Variants in KLHL1 observed in about 807,000 individuals in gnomAD.
KLHL1 encodes kelch like family member 1.
Under a neutral mutation model 77.7 loss-of-function variants are expected in KLHL1, and 47 were observed. The ratio of observed to expected loss-of-function variants is 0.60; its 90% confidence interval spans 0.48 to 0.77. The LOEUF (loss-of-function observed/expected upper bound fraction) is 0.77. Ranked by LOEUF, KLHL1 falls within the 30% of genes least tolerant of loss-of-function variation. KLHL1 has a pLI of 0.00. For synonymous variants in KLHL1, 360 were observed against 325.2 expected, an observed-to-expected ratio of 1.11 and a Z score of -1.15; for missense variants, 925 against 910.8, an observed-to-expected ratio of 1.02 and a Z score of -0.20.
At chr13:69,985,100 A>C (rs1386326512) in intron 1 of KLHL1, among the ~76,000 whole-genome samples, 1 of 151,948 alleles carries the variant, frequency 6.6e-6, no homozygotes, top group Non-Finnish European at 1.5e-5. Context: ...TGACAGAGCG[A>C]GACTCTGTCT....
intron 1 of KLHL1, among the ~76,000 whole-genome samples, chr13:69,993,809 A>T (rs968824915): frequency 1.3e-5 from 2 of 152,090 alleles, no homozygotes; most frequent in African/African-American, 4.8e-5. Context: ...ATGTAAATAC[A>T]TTTTCCAATT....
At chr13:69,742,828 C>A (rs1290648184) in intron 7 of KLHL1, among the ~76,000 whole-genome samples, 3 of 152,196 alleles carry the variant, frequency 2.0e-5, no homozygotes, top group East Asian at 1.9e-4. Flanking sequence ...AAATCTTGTT[C>A]TTTCATTAGG....
chr13:70,002,769 C>T lies in KLHL1; in HGVS notation c.498-26967G>A, dbSNP rs997679998. Among the ~76,000 whole-genome samples, 3 of 151,458 alleles carry T rather than the reference C, an allele frequency of 2.0e-5. No individual in the cohort carries two copies. The South Asian group carries it at 6.2e-4, about 31-fold the overall frequency. On this transcript the variant is annotated intron_variant, in intron 1 of 10. Transcript: ENST00000377844. ...ATGTCATAAACTTCAAATATGCTAACGTGCTAAGTATAAAAAGCAAAACTA... is the reference window on the plus strand; with the variant it reads ...ATGTCATAAACTTCAAATATGCTAATGTGCTAAGTATAAAAAGCAAAACTA...
At chr13:70,015,375 A>G (rs1596074) in intron 1 of KLHL1, among the ~76,000 whole-genome samples, 35,422 of 152,110 alleles carry the variant, frequency 0.23, 4,590 homozygotes, top group East Asian at 0.55. Flanking sequence ...AAACATATGT[A>G]TTATAGTCTT....
At chr13:70,062,591 A>C (rs2137407125) in intron 1 of KLHL1, among the ~76,000 whole-genome samples, 1 of 152,300 alleles carries the variant, frequency 6.6e-6, no homozygotes, top group African/African-American at 2.4e-5. Context: ...AAAGTATAAT[A>C]AAATTATTAG....
intron 8 of KLHL1, among the ~76,000 whole-genome samples, chr13:69,724,267 G>C (rs1028508970): frequency 1.3e-5 from 2 of 152,078 alleles, no homozygotes; most frequent in Non-Finnish European, 2.9e-5. Flanking sequence ...TCCATAAAAT[G>C]TATAAAGCAA....
At chr13:69,857,577 A>G (rs1879969182) in intron 5 of KLHL1, among the ~76,000 whole-genome samples, 1 of 152,046 alleles carries the variant, frequency 6.6e-6, no homozygotes, top group African/African-American at 2.4e-5. Context: ...ATGTATCCCT[A>G]TACTTGATTT....
intron 1 of KLHL1, among the ~76,000 whole-genome samples, chr13:70,022,134 C>T (rs926771522): frequency 6.6e-6 from 1 of 151,888 alleles, no homozygotes. Flanking sequence ...ACCTGTCATT[C>T]ATTATCTATC....
rs1305885838 is a variant in KLHL1, at chr13:69,829,911, G to A, written c.1414+9065C>T. Among the ~76,000 whole-genome samples the A allele has an allele frequency of 1.3e-5, 2 of 150,134 alleles. 1 individual carries two copies. Among genetic ancestry groups the A allele is most frequent in the African/African-American group, 5.0e-5 (2 of 40,018 alleles). ...AGACAAAGAAATGCTGAGAGAATTTGGCACTGCCAAGCCAGCACTACAAGA... is the reference window on the plus strand; with the variant it reads ...AGACAAAGAAATGCTGAGAGAATTTAGCACTGCCAAGCCAGCACTACAAGA... On this transcript the variant is annotated intron_variant, in intron 6 of 10. Transcript: ENST00000377844.
intron 6 of KLHL1, among the ~76,000 whole-genome samples, chr13:69,811,744 A>G (rs1175217008): frequency 6.6e-6 from 1 of 152,132 alleles, no homozygotes; most frequent in African/African-American, 2.4e-5. Flanking sequence ...TTCTATCAAA[A>G]GACCCTAGAC....
At chr13:69,972,284 C>T (rs920574986) in intron 2 of KLHL1, among the ~76,000 whole-genome samples, 8 of 151,874 alleles carry the variant, frequency 5.3e-5, no homozygotes, top group Non-Finnish European at 1.0e-4. Context: ...TGTCTACATA[C>T]TAGTGCACTA....
intron 7 of KLHL1, among the ~76,000 whole-genome samples, chr13:69,772,156 T>C (rs1237740459): frequency 1.3e-5 from 2 of 152,076 alleles, no homozygotes; most frequent in African/African-American, 4.8e-5. Flanking sequence ...TTCACCATGT[T>C]GGCCAAGATG....
chr13:69,707,688 A>C lies in KLHL1; in HGVS notation c.2124T>G (p.Tyr708Ter). ...LGDRLYAVGG[Y>*]DGQTYLNTME... Reference sequence around the variant, plus strand: ...TAGTGTTGAGGTATGTCTGTCCATCATAGCCACCAACAGCATATAATCTGT... The same window carrying C: ...TAGTGTTGAGGTATGTCTGTCCATCCTAGCCACCAACAGCATATAATCTGT... Residue 708 changes from tyrosine to a stop codon, truncating the protein, a stop_gained, in exon 10 of 11, where the codon TAT (tyrosine) becomes TAG (stop). Transcript: ENST00000377844. LOFTEE classifies it high-confidence loss of function. 1 of 1,612,846 alleles carries C rather than the reference A, an allele frequency of 6.2e-7. No homozygotes were observed. Among genetic ancestry groups the C allele is most frequent in the Non-Finnish European group, 8.5e-7 (1 of 1,179,206 alleles).
chr13:69,949,386 G>A (rs1883632865), intron 3 of KLHL1, among the ~76,000 whole-genome samples: 1 of 151,346 alleles, frequency 6.6e-6, no homozygotes, highest in Non-Finnish European at 1.5e-5. Flanking sequence ...AATGTTCTTC[G>A]ATTGATATTT....
chr13:69,817,607 G>A (rs1029313046), intron 6 of KLHL1, among the ~76,000 whole-genome samples: 1 of 152,100 alleles, frequency 6.6e-6, no homozygotes, highest in East Asian at 1.9e-4. Context: ...TTGCCCTAGG[G>A]AGACTATTTC....
chr13:69,978,646 C>T (rs1373761051), intron 1 of KLHL1, among the ~76,000 whole-genome samples: 1 of 151,788 alleles, frequency 6.6e-6, no homozygotes, highest in Non-Finnish European at 1.5e-5. Context: ...ACCACCATGC[C>T]CGGCTCATTT....
At chr13:69,952,293 C>T (rs185893598) in intron 3 of KLHL1, among the ~76,000 whole-genome samples, 111 of 151,472 alleles carry the variant, frequency 7.3e-4, no homozygotes, top group Non-Finnish European at 1.2e-3. Context: ...GTAGTATTTA[C>T]GTTTTTCAGG....
intron 6 of KLHL1, among the ~76,000 whole-genome samples, chr13:69,808,107 G>C (rs1403596272): frequency 1.3e-5 from 2 of 152,108 alleles, no homozygotes; most frequent in South Asian, 2.1e-4. Context: ...GCCCAGGAAT[G>C]GATATGGAAA....
intron 1 of KLHL1, among the ~76,000 whole-genome samples, chr13:70,066,513 T>A (rs9317872): frequency 1.3e-5 from 2 of 152,162 alleles, no homozygotes; most frequent in Non-Finnish European, 2.9e-5. Context: ...AGAATTCCTC[T>A]TCAGTGCTAC....
Sources: allele counts gnomAD v4.1 joint callset (sites outside exome capture counted in the v4.1 genomes callset), GRCh38; gene constraint gnomAD v4.1.1; transcripts MANE v1.5; gene names NCBI Gene and HGNC (gene_info 2026-07-23, HGNC 2026-07-21).